Variants in SYCP2 observed in about 807,000 individuals in gnomAD.
SYCP2 encodes synaptonemal complex lateral element protein.
In SYCP2, 55 loss-of-function variants were observed where a neutral mutation model predicts 211.3. That is an observed-to-expected ratio of 0.26 (90% CI 0.21 to 0.33). The LOEUF (loss-of-function observed/expected upper bound fraction) is 0.33. Among genes scored for constraint, SYCP2 ranks in the 10% least tolerant of loss-of-function variants. SYCP2 has a pLI of 1.00. For missense variants in SYCP2, 1,731 were observed against 1,752.0 expected, an observed-to-expected ratio of 0.99 and a Z score of 0.21; for synonymous variants, 570 against 555.2, an observed-to-expected ratio of 1.03 and a Z score of -0.37.
intron 14 of SYCP2, among the ~76,000 whole-genome samples, chr20:59,908,959 A>G (rs2060265684): frequency 6.6e-6 from 1 of 152,180 alleles, no homozygotes; most frequent in South Asian, 2.1e-4. Context: ...CTTTCTAGGA[A>G]TGCCTAAACT....
chr20:59,877,465 T>A lies in SYCP2; in HGVS notation c.3070A>T (p.Asn1024Tyr). 1 of 1,605,542 alleles carries A rather than the reference T, an allele frequency of 6.2e-7. No homozygotes were observed. Among genetic ancestry groups the A allele is most frequent in the Non-Finnish European group, 8.5e-7 (1 of 1,177,880 alleles). The change falls in exon 33 of 45, where the codon AAC (asparagine) becomes TAC (tyrosine). Residue 1024 changes from asparagine (N) to tyrosine (Y), a missense_variant. By Grantham distance (143) the Asn-to-Tyr change is moderately radical. Around this residue, in one of 3 missense-constraint regions of SYCP2, gnomAD observed 1,387 missense variants for 1,351.3 expected, o/e 1.03. Coordinates refer to ENST00000357552, the MANE Select transcript of SYCP2 (RefSeq NM_014258.4). ...LPRKATKTKKNYKDLSNSESE... is the reference protein window; with the variant it reads ...LPRKATKTKKYYKDLSNSESE... ...TCTGAATTTGAGAGATCTTTATAGT[T>A]TTTTTTTGTTTTGGTTGCTTTTCGT...
intron 4 of SYCP2, 40 bp from the exon 5 acceptor site, chr20:59,920,527 A>G (rs200729104): frequency 1.5e-5 from 22 of 1,454,306 alleles, no homozygotes; most frequent in Admixed American, 3.8e-5. Flanking sequence ...TGTAAACACA[A>G]AACAGTATGA....
intron 15 of SYCP2, among the ~76,000 whole-genome samples, chr20:59,902,452 C>T (rs1022754002): frequency 3.9e-5 from 6 of 152,076 alleles, no homozygotes; most frequent in African/African-American, 1.4e-4. Flanking sequence ...AGACCAGAGG[C>T]CACCATGCTC....
At chr20:59,914,310 C>A in intron 10 of SYCP2, 59 bp from the exon 11 acceptor site, 1 of 1,023,692 alleles carries the variant, frequency 9.8e-7, no homozygotes, top group Non-Finnish European at 1.4e-6. Flanking sequence ...TTATAAAAGA[C>A]CATATATTTT....
chr20:59,931,007 G>T (rs1302893507), intron 2 of SYCP2, among the ~76,000 whole-genome samples: 1 of 151,932 alleles, frequency 6.6e-6, no homozygotes, highest in Non-Finnish European at 1.5e-5. Flanking sequence ...ACTATATATA[G>T]TAACTTATGA....
At chr20:59,903,202 G>C (rs1197211112) in intron 15 of SYCP2, among the ~76,000 whole-genome samples, 2 of 152,006 alleles carry the variant, frequency 1.3e-5, no homozygotes, top group Non-Finnish European at 2.9e-5. Flanking sequence ...TATTTGCTCT[G>C]TCTGGACTAT....
At chr20:59,900,308 A>G (rs750079821) in intron 17 of SYCP2, 24 bp from the exon 18 acceptor site, 2 of 1,557,522 alleles carry the variant, frequency 1.3e-6, no homozygotes, top group South Asian at 1.2e-5. Context: ...TGAAAAAAAA[A>G]GTATTTAAAA....
At chr20:59,919,334 T>C (rs1161990470) in intron 6 of SYCP2, 152 bp from the exon 7 acceptor site, 1 of 672,816 alleles carries the variant, frequency 1.5e-6, no homozygotes, top group African/African-American at 1.9e-5. Flanking sequence ...TTAATTATAT[T>C]TACCAGAATA....
chr20:59,906,097 G>T (rs2060208668), intron 15 of SYCP2, among the ~76,000 whole-genome samples: 1 of 152,000 alleles, frequency 6.6e-6, no homozygotes, highest in African/African-American at 2.4e-5. Flanking sequence ...CAAATGGAGA[G>T]ATACACCATG....
At chr20:59,900,699 T>C in intron 17 of SYCP2, 45 bp downstream of exon 17, 1 of 1,483,606 alleles carries the variant, frequency 6.7e-7, no homozygotes, top group Non-Finnish European at 9.4e-7. Flanking sequence ...TTAGTTATGG[T>C]TAAACTTAGC....
chr20:59,904,342 A>T (rs982699166), intron 15 of SYCP2, among the ~76,000 whole-genome samples: 1 of 152,130 alleles, frequency 6.6e-6, no homozygotes, highest in African/African-American at 2.4e-5. Flanking sequence ...GGAAACCTCT[A>T]AGAGGCAGAA....
At chr20:59,881,667 T>A (rs184842674) in intron 28 of SYCP2, among the ~76,000 whole-genome samples, 175 bp from the exon 29 acceptor site, 2 of 141,930 alleles carry the variant, frequency 1.4e-5, no homozygotes, top group Non-Finnish European at 3.0e-5. Flanking sequence ...AATAGAATAG[T>A]TTTTTTTTTC....
chr20:59,883,794 T>TTAA (rs2059732932), intron 26 of SYCP2, among the ~76,000 whole-genome samples: 1 of 152,054 alleles, frequency 6.6e-6, no homozygotes, highest in African/African-American at 2.4e-5. Flanking sequence ...ATGAGGACTA[T>TTAA]TAATAGTATT....
rs113208881 is a variant in SYCP2, at chr20:59,914,621, A to T, written c.635-370T>A. On this transcript the variant is annotated intron_variant, in intron 10 of 44. Coordinates refer to ENST00000357552, the MANE Select transcript of SYCP2 (RefSeq NM_014258.4). ...TGTAACATGTTTACAGTTATCCCAGAGTACTTTAAACCATGATTTATTCTA... is the reference window on the plus strand; with the variant it reads ...TGTAACATGTTTACAGTTATCCCAGTGTACTTTAAACCATGATTTATTCTA... 9.9e-4 allele frequency among the ~76,000 whole-genome samples: 150 copies of T among 152,214 alleles called. No individual in the cohort carries two copies. In the Middle Eastern group the frequency reaches 0.024, roughly 24 times the overall value.
At chr20:59,931,613 C>T (rs1360356387) in intron 2 of SYCP2, among the ~76,000 whole-genome samples, 3 of 152,144 alleles carry the variant, frequency 2.0e-5, no homozygotes, top group Non-Finnish European at 4.4e-5. Context: ...GTTTTCAGAA[C>T]TAAAGCAATT....
In SYCP2 at chr20:59,868,397, C is replaced by A. The variant is rs1600802653; in HGVS notation, c.3988+16G>T. The stretch of plus-strand genomic sequence containing the variant: ...CCAAATAACTGCATTTTGATACAGG[C>A]TACTGATCTACCTACTTTTGTGGAT... On this transcript the variant is annotated intron_variant, in intron 38 of 44. Coordinates refer to ENST00000357552, the MANE Select transcript of SYCP2 (RefSeq NM_014258.4). 1.9e-6 allele frequency: 3 copies of A among 1,604,456 alleles called. No homozygotes were observed. The highest frequency in any genetic ancestry group is 2.7e-5 in the African/African-American group (2 of 74,322).
chr20:59,893,404 A>G, intron 21 of SYCP2, 120 bp downstream of exon 21: 1 of 819,934 alleles, frequency 1.2e-6, no homozygotes, highest in Non-Finnish European at 1.9e-6. Flanking sequence ...CACAAAGTCA[A>G]ACAAATTCTT....
At chr20:59,914,643 T>A (rs1358400194) in intron 10 of SYCP2, among the ~76,000 whole-genome samples, 1 of 152,012 alleles carries the variant, frequency 6.6e-6, no homozygotes, top group African/African-American at 2.4e-5. Flanking sequence ...CATGATTTAT[T>A]CTACATGTAA....
intron 26 of SYCP2, among the ~76,000 whole-genome samples, chr20:59,883,906 G>T (rs938757662): frequency 2.0e-5 from 3 of 151,752 alleles, no homozygotes; most frequent in African/African-American, 7.3e-5. Context: ...GATTTTATGC[G>T]TTCTTGCCAC....
Sources: allele counts gnomAD v4.1 joint callset (sites outside exome capture counted in the v4.1 genomes callset), GRCh38; gene constraint gnomAD v4.1.1; regional missense constraint gnomAD v4.1.1; transcripts MANE v1.5; gene names NCBI Gene and HGNC (gene_info 2026-07-23, HGNC 2026-07-21).